Variants in GULP1 observed in about 807,000 individuals in gnomAD.
GULP1 encodes the protein PTB domain-containing engulfment adapter protein 1.
GULP1 carries 19 observed loss-of-function variants against 40.9 expected under a neutral mutation model. The observed-to-expected ratio is 0.46, with a 90% CI of 0.32 to 0.68. GULP1 has a LOEUF of 0.68. Among genes scored for constraint, GULP1 ranks in the 30% least tolerant of loss-of-function variants. GULP1 has a pLI of 0.03. For missense variants in GULP1, 312 were observed against 362.2 expected (o/e 0.86, Z 1.12); for synonymous variants, 119 against 117.6 (o/e 1.01, Z -0.08).
At chr2:188,589,075 G>A (rs1182654751) in intron 11 of GULP1, 2 of 152,032 alleles carry the variant, frequency 1.3e-5, no homozygotes, top group African/African-American at 4.8e-5. Flanking sequence ...AATTGTTTTA[G>A]ATCCTTAGTA....
intron 2 of GULP1, among the ~76,000 whole-genome samples, chr2:188,398,259 C>T (rs1183830804): frequency 3.3e-5 from 5 of 152,190 alleles, no homozygotes; most frequent in African/African-American, 9.7e-5. Flanking sequence ...AGAGTTCTGG[C>T]TTCCCGAACT....
intron 1 of GULP1, among the ~76,000 whole-genome samples, chr2:188,325,768 C>A (rs1383828673): frequency 6.6e-6 from 1 of 152,028 alleles, no homozygotes; most frequent in African/African-American, 2.4e-5. Context: ...CACTAGCCAA[C>A]CTTCTTACTT....
At chr2:188,459,327 T>G (rs2059519278) in intron 2 of GULP1, among the ~76,000 whole-genome samples, 1 of 152,158 alleles carries the variant, frequency 6.6e-6, no homozygotes, top group Admixed American at 6.5e-5. Flanking sequence ...GTATGAGGAT[T>G]TCCTTTTCTC....
intron 1 of GULP1, among the ~76,000 whole-genome samples, chr2:188,333,724 T>C (rs2041919286): frequency 6.6e-6 from 1 of 152,192 alleles, no homozygotes; most frequent in South Asian, 2.1e-4. Context: ...CTTACTTGAA[T>C]TTTAATGACA....
chr2:188,382,322 C>A (rs923945856), intron 1 of GULP1, among the ~76,000 whole-genome samples: 3 of 152,110 alleles, frequency 2.0e-5, no homozygotes, highest in Non-Finnish European at 4.4e-5. Flanking sequence ...TGAGATATAT[C>A]TGAGGGGTGT....
Position 188,584,379 on chromosome 2 carries a change from G to A in GULP1, c.724G>A (p.Val242Ile). The change falls in exon 10 of 12, where the codon GTA becomes ATA. Residue 242 changes from valine (V) to isoleucine (I), a missense_variant. Coordinates refer to ENST00000409830, the MANE Select transcript of GULP1 (RefSeq NM_016315.4). ...TCGCAATGGCACACAGCCACCTCCA[G>A]TACCTAGTAGATCTACTGAGATTAG... is the stretch of plus-strand genomic sequence containing the variant. ...PTRNGTQPPPVPSRSTEIKRD... is the reference protein window; with the variant it reads ...PTRNGTQPPPIPSRSTEIKRD... 1.2e-6 allele frequency: 2 copies of A among 1,602,568 alleles called. No individual in the cohort carries two copies. The highest frequency in any genetic ancestry group is 1.7e-6 in the Non-Finnish European group (2 of 1,171,204).
At chr2:188,580,521 C>G (rs956642234) in intron 9 of GULP1, among the ~76,000 whole-genome samples, 8 of 147,022 alleles carry the variant, frequency 5.4e-5, no homozygotes, top group Admixed American at 4.1e-4. Context: ...CCACTGCACT[C>G]CAGCCTGGGC....
intron 1 of GULP1, among the ~76,000 whole-genome samples, chr2:188,381,401 A>G (rs1221805307): frequency 6.7e-6 from 1 of 149,332 alleles, no homozygotes; most frequent in African/African-American, 2.6e-5. Context: ...GGCTACGGGG[A>G]TGTTAAATTG....
At chr2:188,428,311 A>C (rs1445794582) in intron 2 of GULP1, among the ~76,000 whole-genome samples, 4 of 152,048 alleles carry the variant, frequency 2.6e-5, no homozygotes, top group African/African-American at 4.8e-5. Context: ...ATGAGTTAAG[A>C]CTCTAAAGAA....
At chr2:188,547,018 A>G (rs1229123938) in intron 7 of GULP1, among the ~76,000 whole-genome samples, 1 of 152,164 alleles carries the variant, frequency 6.6e-6, no homozygotes, top group Non-Finnish European at 1.5e-5. Context: ...TTATTTTAAT[A>G]GCCTGATAAC....
intron 2 of GULP1, among the ~76,000 whole-genome samples, chr2:188,386,213 C>A (rs1226559721): frequency 6.6e-6 from 1 of 152,102 alleles, no homozygotes; most frequent in Non-Finnish European, 1.5e-5. Context: ...TCTCACACAG[C>A]AGCAGACAAG....
intron 1 of GULP1, among the ~76,000 whole-genome samples, chr2:188,369,754 G>A (rs561730332): frequency 3.3e-4 from 50 of 152,194 alleles, no homozygotes; most frequent in African/African-American, 1.1e-3. Context: ...TGTGTCTTTG[G>A]TTTTCTGCTC....
chr2:188,584,405 T>C lies in GULP1; in HGVS notation c.748+2T>C. 6.4e-7 allele frequency: 1 copy of C among 1,558,038 alleles called. No individual in the cohort carries two copies. The highest frequency in any genetic ancestry group is 1.2e-5 in the South Asian group (1 of 81,604). ...TACCTAGTAGATCTACTGAGATTAG[T>C]AAGCTTTCTCAACAAATCAAAGTTT... On this transcript the variant is annotated splice_donor_variant, in intron 10 of 11. Coordinates refer to ENST00000409830, the MANE Select transcript of GULP1 (RefSeq NM_016315.4). LOFTEE classifies it high-confidence loss of function.
intron 1 of GULP1, among the ~76,000 whole-genome samples, chr2:188,299,961 CCTT>C (rs1270904001): frequency 1.3e-5 from 2 of 152,174 alleles, no homozygotes; most frequent in Non-Finnish European, 2.9e-5. Context: ...AGATGTTCCT[CCTT>C]TATGTTTCCA....
intron 4 of GULP1, among the ~76,000 whole-genome samples, chr2:188,521,236 T>C (rs889052354): frequency 6.6e-6 from 1 of 152,180 alleles, no homozygotes; most frequent in Non-Finnish European, 1.5e-5. Flanking sequence ...TATATTTCAA[T>C]TCTAATTGGT....
chr2:188,440,177 G>A (rs1438624673), intron 2 of GULP1, among the ~76,000 whole-genome samples: 5 of 152,190 alleles, frequency 3.3e-5, no homozygotes, highest in Admixed American at 6.5e-5. Context: ...ATGATTCACA[G>A]TGTTCATTAG....
chr2:188,324,514 A>C (rs1181310557), intron 1 of GULP1, among the ~76,000 whole-genome samples: 7 of 152,062 alleles, frequency 4.6e-5, no homozygotes, highest in African/African-American at 1.7e-4. Context: ...TGAACTTTAA[A>C]GACATTGAAT....
intron 9 of GULP1, among the ~76,000 whole-genome samples, chr2:188,578,539 A>T (rs995000312): frequency 6.6e-6 from 1 of 151,922 alleles, no homozygotes; most frequent in Non-Finnish European, 1.5e-5. Context: ...GTAAAATAAA[A>T]AAAAAAAAGA....
intron 1 of GULP1, among the ~76,000 whole-genome samples, chr2:188,358,733 C>T (rs1559147440): frequency 6.6e-6 from 1 of 152,016 alleles, no homozygotes; most frequent in Admixed American, 6.6e-5. Flanking sequence ...TTAAGACTGC[C>T]TAATTCTTGC....
Sources: gnomAD v4.1 joint callset for allele counts (sites outside exome capture counted in the v4.1 genomes callset) on GRCh38, gnomAD v4.1.1 for gene constraint, MANE v1.5 for transcripts, NCBI Gene and HGNC (gene_info 2026-07-23, HGNC 2026-07-21) for gene names.